Variants in RPP30 observed in about 807,000 individuals in gnomAD.
RPP30 encodes the protein ribonuclease P/MRP subunit p30, also known as ribonuclease P protein subunit p30.
RPP30 carries 36 observed loss-of-function variants against 38.6 expected under a neutral mutation model. The ratio of observed to expected loss-of-function variants is 0.93; its 90% CI spans 0.71 to 1.23. RPP30 has a LOEUF of 1.23. RPP30 is among the 50% of genes most tolerant of loss of function. The pLI, the probability that RPP30 is intolerant of heterozygous loss-of-function variation, is 0.00. For missense variants in RPP30, 321 were observed against 321.7 expected, an observed-to-expected ratio of 1.00 and a Z score of 0.02; for synonymous variants, 126 against 112.7, an observed-to-expected ratio of 1.12 and a Z score of -0.75.
At chr10:90,879,851 G>T (rs967956515) in intron 5 of RPP30, among the ~76,000 whole-genome samples, 1 of 152,150 alleles carries the variant, frequency 6.6e-6, no homozygotes. Flanking sequence ...GTAAAATGAG[G>T]TATAGCTACT....
In RPP30 at chr10:90,872,040, G is replaced by T; in HGVS notation, c.54G>T (p.Leu18=). The change falls in exon 1 of 11, where the codon CTG becomes CTT. Residue 18 remains leucine (L), a synonymous_variant. Transcript: ENST00000371703. ...DLRAGSDLKA[L]RGLVETAAHL... ...GAGCGGGTTCTGACCTGAAGGCTCT[G>T]CGCGGACTTGTGGAGACAGCCGCTC... 13 of 1,614,188 alleles carry T rather than the reference G, an allele frequency of 8.1e-6. No homozygotes were observed. Among genetic ancestry groups the T allele is most frequent in the Non-Finnish European group, 1.1e-5 (13 of 1,180,030 alleles).
intron 4 of RPP30, among the ~76,000 whole-genome samples, chr10:90,876,624 A>G (rs1322915306): frequency 1.3e-5 from 2 of 152,208 alleles, no homozygotes; most frequent in African/African-American, 4.8e-5. Context: ...TGGATTATGC[A>G]TAGGTCCTGA....
At chr10:90,899,016 T>C (rs1199113064) in intron 10 of RPP30, among the ~76,000 whole-genome samples, 1 of 152,260 alleles carries the variant, frequency 6.6e-6, no homozygotes, top group South Asian at 2.1e-4. Context: ...AAACATTTTA[T>C]AAACTAAAGC....
downstream of RPP30, among the ~76,000 whole-genome samples, chr10:90,904,437 C>A (rs1315613936): frequency 6.6e-6 from 1 of 152,194 alleles, no homozygotes; most frequent in African/African-American, 2.4e-5. Context: ...CATCTGTTCT[C>A]CCTACCTGTC....
intron 4 of RPP30, among the ~76,000 whole-genome samples, chr10:90,878,788 T>C (rs1846886121): frequency 6.6e-6 from 1 of 152,184 alleles, no homozygotes; most frequent in South Asian, 2.1e-4. Flanking sequence ...CCATCATACC[T>C]AGCCTAATTT....
At chr10:90,903,430 G>C (rs566373871), downstream of RPP30, among the ~76,000 whole-genome samples, 1 of 152,300 alleles carries the variant, frequency 6.6e-6, no homozygotes, top group Admixed American at 6.5e-5. Context: ...GTTATAGAAA[G>C]GAGGTAAAAT....
chr10:90,902,400 T>G, downstream of RPP30: 1 of 320,556 alleles, frequency 3.1e-6, no homozygotes. Context: ...TGTATTTTTT[T>G]GTAGAGATGG....
At chr10:90,875,745 A>G (rs1050138747) in intron 3 of RPP30, 131 bp downstream of exon 3, 13 of 766,664 alleles carry the variant, frequency 1.7e-5, no homozygotes, top group Admixed American at 1.5e-4. Flanking sequence ...CTCAAGGCTC[A>G]GCTCTTCAGG....
downstream of RPP30, among the ~76,000 whole-genome samples, chr10:90,907,414 T>C (rs1045479186): frequency 1.3e-5 from 2 of 152,156 alleles, no homozygotes; most frequent in Non-Finnish European, 2.9e-5. Flanking sequence ...ACTCCCTGGA[T>C]TAGTACTAGA....
rs1282394063 is a variant in RPP30, at chr10:90,894,807, C to G, written c.465C>G (p.Val155=). Residue 155 remains valine, a synonymous_variant, in exon 7 of 11, where the codon GTC becomes GTG. Transcript: ENST00000371703. The part of the protein sequence containing the change: ...AIDRGLAFEL[V]YSPAIKDSTM... ...ACCGAGGCCTGGCTTTTGAACTTGT[C>G]TATAGCCCTGCTATCAAAGACTCCA... 9.3e-6 allele frequency: 15 copies of G among 1,613,470 alleles called. 1 individual carries two copies. The highest frequency in any genetic ancestry group is 6.6e-5 in the South Asian group (6 of 91,052).
chr10:90,897,707 T>C (rs940767053), intron 10 of RPP30, among the ~76,000 whole-genome samples: 1 of 152,200 alleles, frequency 6.6e-6, no homozygotes, highest in Non-Finnish European at 1.5e-5. Context: ...TAATTTTATA[T>C]ATAGGAAAAT....
chr10:90,900,132 A>G (rs1474237650), intron 10 of RPP30, among the ~76,000 whole-genome samples: 1 of 152,228 alleles, frequency 6.6e-6, no homozygotes, highest in Non-Finnish European at 1.5e-5. Context: ...CTTCAGAGGT[A>G]CCTTGATGTT....
chr10:90,877,204 CAA>C (rs905960989), intron 4 of RPP30, among the ~76,000 whole-genome samples: 10 of 151,850 alleles, frequency 6.6e-5, no homozygotes, highest in Non-Finnish European at 4.4e-5. Context: ...CCCAGCTACT[CAA>C]GAGTCTGAGG....
intron 5 of RPP30, among the ~76,000 whole-genome samples, chr10:90,885,575 CT>C (rs1846989077): frequency 6.6e-6 from 1 of 152,202 alleles, no homozygotes; most frequent in Non-Finnish European, 1.5e-5. Flanking sequence ...CAGGCCCTAT[CT>C]TTTGAGAAAG....
At chr10:90,896,481 C>T (rs1207454970) in intron 10 of RPP30, 89 bp downstream of exon 10, 1 of 990,306 alleles carries the variant, frequency 1.0e-6, no homozygotes, top group Non-Finnish European at 1.6e-6. Context: ...CCCTACCCTA[C>T]AGAGTTCCTT....
chr10:90,890,092 C>T (rs950825857), intron 6 of RPP30, among the ~76,000 whole-genome samples: 1 of 152,144 alleles, frequency 6.6e-6, no homozygotes, highest in African/African-American at 2.4e-5. Context: ...TTAGGTAGTT[C>T]ATGGTTCACA....
At chr10:90,874,295 C>T (rs946883063) in intron 1 of RPP30, among the ~76,000 whole-genome samples, 1 of 152,050 alleles carries the variant, frequency 6.6e-6, no homozygotes, top group Non-Finnish European at 1.5e-5. Context: ...CCCAGTCTGT[C>T]GATGGTGTGC....
chr10:90,904,039 G>A (rs2120245573), downstream of RPP30, among the ~76,000 whole-genome samples: 1 of 152,254 alleles, frequency 6.6e-6, no homozygotes, highest in East Asian at 1.9e-4. Context: ...TCTTGTTTAT[G>A]TATTTGGTCT....
At position 90,902,140 on chromosome 10, in the gene RPP30, C is replaced by A; in HGVS notation, c.*1461C>A. The stretch of plus-strand genomic sequence containing the variant: ...AAAAGAGAAAGCTTTATAACCTCAC[C>A]AATGAATACAAATGTTTAAATAAAA... On this transcript the variant is annotated 3_prime_UTR_variant, in exon 11 of 11. Transcript: ENST00000371703. The A allele has an allele frequency of 1.0e-6, 1 of 990,958 alleles. No homozygotes were observed. Among genetic ancestry groups the A allele is most frequent in the Non-Finnish European group, 1.2e-6 (1 of 831,820 alleles). The allele number at this position is 990,958 out of a possible 1,614,324, so 61.4% of individuals were successfully genotyped here.
Sources: gnomAD v4.1 joint callset for allele counts (sites outside exome capture counted in the v4.1 genomes callset) on GRCh38, gnomAD v4.1.1 for gene constraint, MANE v1.5 for transcripts, NCBI Gene and HGNC (gene_info 2026-07-23, HGNC 2026-07-21) for gene names.